VSIG8: variants seen among roughly 807,000 people sequenced by gnomAD.
The protein encoded by VSIG8 is V-set and immunoglobulin domain containing 8, also known as V-set and immunoglobulin domain-containing protein 8.
A neutral mutation model predicts 42.6 loss-of-function variants in VSIG8; 32 were observed. The ratio of observed to expected loss-of-function variants is 0.75; its 90% CI spans 0.57 to 1.01. VSIG8 has a LOEUF of 1.01. Among genes scored for constraint, VSIG8 ranks in the 50% least tolerant of loss-of-function variants. The probability of loss-of-function intolerance (pLI) is 0.00; values close to 1 mark genes in which losing one functional copy is unlikely to be tolerated. For synonymous variants in VSIG8, 290 were observed against 243.8 expected, an observed-to-expected ratio of 1.19 and a Z score of -1.77; for missense variants, 529 against 558.0, an observed-to-expected ratio of 0.95 and a Z score of 0.52.
rs761060946 is a variant in VSIG8 at position 159,858,781 on chromosome 1, C to A, written c.181G>T (p.Glu61Ter). ...GGGTCTGAGTTGACCTGCATCCACT[C>A]GATGTCCAGCCCATTGGGACCATAG... ...EDYGPNGLDI[E>*]WMQVNSDPAH... The change falls in exon 2 of 7, where the codon GAG (glutamate) becomes TAG (stop). Residue 61 changes from glutamate (E) to a stop codon, truncating the protein, a stop_gained. Transcript: ENST00000368100. LOFTEE classifies it high-confidence loss of function. 7 of 1,613,958 alleles carry A rather than the reference C, an allele frequency of 4.3e-6. No homozygotes were observed.
intron 3 of VSIG8, 55 bp downstream of exon 3, chr1:159,858,035 G>A: frequency 6.2e-7 from 1 of 1,612,274 alleles, no homozygotes; most frequent in Non-Finnish European, 8.5e-7. Flanking sequence ...AAGTGGCCAA[G>A]CTGCCCTTGG....
At chr1:159,855,243 A>G in intron 6 of VSIG8, 1 of 1,551,328 alleles carries the variant, frequency 6.4e-7, no homozygotes, top group Non-Finnish European at 8.7e-7. Flanking sequence ...CCCATCCTCC[A>G]GACAGGGCTT....
Position 159,856,200 on chromosome 1 carries a change from G to T in VSIG8, c.773-119C>A, listed in dbSNP as rs184785921. On this transcript the variant is annotated intron_variant, in intron 5 of 6. Transcript: ENST00000368100. ...GGAAAGAGGGAGAGGGACCCAGGGG[G>T]TCTCTTAGCCCTGGAACACCCAGTG... is the stretch of plus-strand genomic sequence containing the variant. 4.3e-4 allele frequency: 447 copies of T among 1,046,538 alleles called. 2 individuals are homozygous for T. The African/African-American group carries it at 6.2e-3, about 15-fold the overall frequency. 64.8% of individuals were successfully genotyped at this position (1,046,538 alleles called of 1,614,324 possible). A position where few individuals can be genotyped will look rare whatever the true frequency, so the allele number is the denominator to read the frequency against.
At chr1:159,857,022 A>G (rs1648856716) in intron 4 of VSIG8, among the ~76,000 whole-genome samples, 1 of 152,180 alleles carries the variant, frequency 6.6e-6, no homozygotes, top group African/African-American at 2.4e-5. Context: ...GAATATTTTC[A>G]GCTTCTCTAT....
Position 159,858,126 on chromosome 1 carries a change from T to C in VSIG8, c.394A>G (p.Thr132Ala). Reference sequence around the variant, plus strand: ...ACAATGACCTTCCGGGTGGCCATGGTGGTCTTCTTCACCCGGCACTCATAA... The same window carrying C: ...ACAATGACCTTCCGGGTGGCCATGGCGGTCTTCTTCACCCGGCACTCATAA... ...ATYECRVKKT[T>A]MATRKVIVTV... is the part of the protein sequence containing the mutation. Residue 132 changes from threonine (T) to alanine (A), a missense_variant, in exon 3 of 7, where the codon ACC (threonine) becomes GCC (alanine). Transcript: ENST00000368100. The C allele has an allele frequency of 1.2e-6, 2 of 1,614,192 alleles. No individual in the cohort carries two copies. The highest frequency in any genetic ancestry group is 1.7e-6 in the Non-Finnish European group (2 of 1,180,028).
chr1:159,854,761 A>C lies in VSIG8; in HGVS notation c.1237T>G (p.Leu413Val), dbSNP rs1648742209. 6.7e-7 allele frequency: 1 copy of C among 1,492,072 alleles called. No individual in the cohort carries two copies. Among genetic ancestry groups the C allele is most frequent in the Non-Finnish European group, 8.9e-7 (1 of 1,128,482 alleles). The allele number at this position is 1,492,072 out of a possible 1,614,324, so 92.4% of individuals were successfully genotyped here. A position where few individuals can be genotyped will look rare whatever the true frequency, so the allele number is the denominator to read the frequency against. The change falls in exon 7 of 7, where the codon TTG becomes GTG. Residue 413 changes from leucine (L) to valine (V), a missense_variant. Leu to Val is a conservative substitution (Grantham distance 32, BLOSUM62 1). Coordinates refer to ENST00000368100, the MANE Select transcript of VSIG8 (RefSeq NM_001013661.1). ...EGPVQCKNGL[L>V]V ...CGGCCCGGCGCGCGCGCTCACACCA[A>C]GAGGCCGTTCTTGCACTGCACCGGC...
In VSIG8 at chr1:159,856,625, A is replaced by C. The variant is rs766620219; in HGVS notation, c.671T>G (p.Leu224Arg). 1.2e-5 allele frequency: 19 copies of C among 1,614,116 alleles called. No individual in the cohort carries two copies. The highest frequency in any genetic ancestry group is 1.5e-5 in the Non-Finnish European group (18 of 1,179,990). The change falls in exon 5 of 7, where the codon CTG becomes CGG. Residue 224 changes from leucine (L) to arginine (R), a missense_variant. Physicochemically the swap from Leu to Arg is moderately radical, Grantham distance 102. Coordinates refer to ENST00000368100, the MANE Select transcript of VSIG8 (RefSeq NM_001013661.1). Reference protein sequence around the residue: ...SINQGLNNGDLVLKDISRADD... With the variant: ...SINQGLNNGDRVLKDISRADD... ...TGCTCTGGAGATATCCTTCAACACCAGGTCCCCATTGTTCAGGCCTGAAAG... is the reference window on the plus strand; with the variant it reads ...TGCTCTGGAGATATCCTTCAACACCCGGTCCCCATTGTTCAGGCCTGAAAG...
Position 159,854,437 on chromosome 1 carries a change from T to G in VSIG8, c.*316A>C. ...GGCCCCCGGGGCCCTCTGCTTAGGC[T>G]GGGGACACCAGGCCTCCGGCCTCAG... On this transcript the variant is annotated 3_prime_UTR_variant, in exon 7 of 7. Transcript: ENST00000368100. The G allele has an allele frequency of 3.5e-6, 1 of 288,282 alleles. No homozygotes were observed. 17.9% of individuals were successfully genotyped at this position (288,282 alleles called of 1,614,324 possible).
In VSIG8 at chr1:159,857,818, C is replaced by A; in HGVS notation, c.579G>T (p.Gly193=). Residue 193 remains glycine, a synonymous_variant, in exon 4 of 7, where the codon GGG becomes GGT. Transcript: ENST00000368100. The part of the protein sequence containing the change: ...ISGHHYPYRA[G]SYTSQHSYHS... The stretch of plus-strand genomic sequence containing the variant: ...GGTAGCTGTGCTGGGAGGTGTAAGA[C>A]CCAGCTCGATAGGGGTAATGGTGCC... 6.2e-7 allele frequency: 1 copy of A among 1,614,230 alleles called. No homozygotes were observed. The highest frequency in any genetic ancestry group is 8.5e-7 in the Non-Finnish European group (1 of 1,180,036).
chr1:159,857,627 T>A, intron 4 of VSIG8, 118 bp downstream of exon 4: 6 of 745,528 alleles, frequency 8.0e-6, no homozygotes, highest in Non-Finnish European at 8.6e-6. Context: ...AGGGAGGGTC[T>A]CCCACAGGGA....
chr1:159,861,289 T>C (rs1380103909), intron 1 of VSIG8: 1 of 152,010 alleles, frequency 6.6e-6, no homozygotes, highest in East Asian at 1.9e-4. Flanking sequence ...TCAATAGTGG[T>C]GCCTACTCTC....
In VSIG8 at chr1:159,854,376, A is replaced by C; in HGVS notation, c.*377T>G. The C allele has an allele frequency of 4.3e-6, 1 of 231,466 alleles. No individual in the cohort carries two copies. The highest frequency in any genetic ancestry group is 8.4e-6 in the Non-Finnish European group (1 of 119,728). The allele number at this position is 231,466 out of a possible 1,614,324, so 14.3% of individuals were successfully genotyped here. ...CTGCCTCAGAGCTCAGACCTCACAC[A>C]CAGAACAATTCGTCCAGACAGACCC... On this transcript the variant is annotated 3_prime_UTR_variant, in exon 7 of 7. Transcript: ENST00000368100.
chr1:159,859,250 G>A (rs1279730306), intron 1 of VSIG8, among the ~76,000 whole-genome samples: 1 of 152,200 alleles, frequency 6.6e-6, no homozygotes, highest in African/African-American at 2.4e-5. Context: ...GGATATTCAT[G>A]TACATGACCA....
At chr1:159,858,624 A>C in intron 2 of VSIG8, 110 bp downstream of exon 2, 2 of 1,270,974 alleles carry the variant, frequency 1.6e-6, no homozygotes, top group Non-Finnish European at 2.1e-6. Context: ...CATTCCCTGA[A>C]AGGCCTTGGG....
intron 4 of VSIG8, 27 bp downstream of exon 4, chr1:159,857,718 G>A (rs377276625): frequency 2.9e-5 from 47 of 1,601,250 alleles, no homozygotes; most frequent in South Asian, 1.0e-4. Context: ...ACTCACCCCC[G>A]ACTGCCCTCA....
In VSIG8 at chr1:159,854,835, G is replaced by C. The variant is rs969698864; in HGVS notation, c.1163C>G (p.Pro388Arg). 1.9e-5 allele frequency: 29 copies of C among 1,492,226 alleles called. No individual in the cohort carries two copies. Among genetic ancestry groups the C allele is most frequent in the Non-Finnish European group, 2.6e-5 (29 of 1,129,134 alleles). The allele number at this position is 1,492,226 out of a possible 1,614,324, so 92.4% of individuals were successfully genotyped here. Residue 388 changes from proline to arginine, a missense_variant, in exon 7 of 7, where the codon CCG becomes CGG. Transcript: ENST00000368100. The stretch of plus-strand genomic sequence containing the variant: ...CGCGCTCTTGACCTTGACGTAGACC[G>C]GGGAGGGGCCCGCTTCGCAGGCGGC... The part of the protein sequence containing the change: ...AAAACEAGPS[P>R]VYVKVKSAEP...
chr1:159,861,271 G>A (rs1456708465), intron 1 of VSIG8: 1 of 152,060 alleles, frequency 6.6e-6, no homozygotes, highest in Non-Finnish European at 1.5e-5. Context: ...GCTTTACGGG[G>A]TGTCATCTCA....
chr1:159,857,158 T>C (rs1648860783), intron 4 of VSIG8, among the ~76,000 whole-genome samples: 1 of 152,220 alleles, frequency 6.6e-6, no homozygotes, highest in Non-Finnish European at 1.5e-5. Context: ...TGCCTTAAAC[T>C]TGGAGCCAGT....
In VSIG8 at chr1:159,862,604, AG is replaced by A; in HGVS notation, c.-84del. 1 of 1,267,772 alleles carries A rather than the reference AG, an allele frequency of 7.9e-7. No individual in the cohort carries two copies. Among genetic ancestry groups the A allele is most frequent in the Non-Finnish European group, 1.1e-6 (1 of 893,136 alleles). The allele number at this position is 1,267,772 out of a possible 1,614,324, so 78.5% of individuals were successfully genotyped here. A position where few individuals can be genotyped will look rare whatever the true frequency, so the allele number is the denominator to read the frequency against. On this transcript the variant is annotated 5_prime_UTR_variant, in exon 1 of 7. Transcript: ENST00000368100. The stretch of plus-strand genomic sequence containing the variant: ...TGGGTGTGAGGGGGTAGGTGGAGGG[AG>A]GGGGAGCTGAGGGCCCAGACACTGC...
Sources: allele counts gnomAD v4.1 joint callset (sites outside exome capture counted in the v4.1 genomes callset), GRCh38; gene constraint gnomAD v4.1.1; transcripts MANE v1.5; gene names NCBI Gene and HGNC (gene_info 2026-07-23, HGNC 2026-07-21).